The following RBFOX1 variants were observed in gnomAD, a reference collection of about 807,000 sequenced individuals.
RBFOX1 encodes the protein RNA binding protein fox-1 homolog 1.
A neutral mutation model predicts 57.7 loss-of-function variants in RBFOX1; 8 were observed. The observed-to-expected ratio is 0.14, with a 90% CI of 0.08 to 0.25. The LOEUF is 0.25. Ranked by LOEUF, RBFOX1 falls within the 10% of genes least tolerant of loss-of-function variation. The pLI is 1.00. For synonymous variants in RBFOX1, 326 were observed against 222.4 expected, an observed-to-expected ratio of 1.47 and a Z score of -4.15; for missense variants, 611 against 548.5, an observed-to-expected ratio of 1.11 and a Z score of -1.14.
intron 3 of RBFOX1, among the ~76,000 whole-genome samples, chr16:6,947,886 C>G (rs2079881257): frequency 6.6e-6 from 1 of 152,156 alleles, no homozygotes; most frequent in Admixed American, 6.5e-5. Context: ...AAGCGTTTCT[C>G]CTGCCTCAGC....
At chr16:6,121,746 A>G (rs1240287088) in intron 1 of RBFOX1, among the ~76,000 whole-genome samples, 1 of 152,106 alleles carries the variant, frequency 6.6e-6, no homozygotes, top group East Asian at 1.9e-4. Context: ...AGCTGGGTGA[A>G]GGTGAACAAG....
chr16:6,009,253 C>T (rs1695452962), intron 4 of RBFOX1, among the ~76,000 whole-genome samples: 1 of 152,130 alleles, frequency 6.6e-6, no homozygotes, highest in Admixed American at 6.6e-5. Context: ...GATGGTACCT[C>T]ATTCCATTTT....
chr16:6,913,511 G>A (rs978054291), intron 3 of RBFOX1, among the ~76,000 whole-genome samples: 2 of 152,108 alleles, frequency 1.3e-5, no homozygotes, highest in African/African-American at 2.4e-5. Flanking sequence ...CCCATCATCT[G>A]CAGTGCCCGA....
At chr16:7,693,623 G>A (rs1199012854) in intron 14 of RBFOX1, among the ~76,000 whole-genome samples, 1 of 152,052 alleles carries the variant, frequency 6.6e-6, no homozygotes, top group African/African-American at 2.4e-5. Flanking sequence ...AGAGTATGTT[G>A]AATGAATCCA....
chr16:5,977,180 C>A (rs957922146), intron 4 of RBFOX1, among the ~76,000 whole-genome samples: 2 of 152,166 alleles, frequency 1.3e-5, no homozygotes, highest in Non-Finnish European at 1.5e-5. Flanking sequence ...ATTGTGTGGG[C>A]AGAACTGAGG....
At chr16:6,386,008 T>C (rs1157034082) in intron 2 of RBFOX1, among the ~76,000 whole-genome samples, 1 of 151,520 alleles carries the variant, frequency 6.6e-6, no homozygotes, top group Non-Finnish European at 1.5e-5. Flanking sequence ...CGATCTCGGC[T>C]CACTGCAAGC....
At chr16:6,031,164 G>C (rs980274947) in intron 1 of RBFOX1, among the ~76,000 whole-genome samples, 1 of 152,266 alleles carries the variant, frequency 6.6e-6, no homozygotes, top group Non-Finnish European at 1.5e-5. Context: ...TTTAAGCTAC[G>C]GCCTGAAGAC....
At chr16:5,515,081 A>G (rs1185882373) in intron 2 of RBFOX1, among the ~76,000 whole-genome samples, 2 of 152,198 alleles carry the variant, frequency 1.3e-5, no homozygotes, top group South Asian at 2.1e-4. Flanking sequence ...TTACAGAACA[A>G]GAACTCATTT....
intron 3 of RBFOX1, among the ~76,000 whole-genome samples, chr16:6,975,306 C>G (rs940065896): frequency 2.0e-5 from 3 of 152,046 alleles, no homozygotes; most frequent in Non-Finnish European, 1.5e-5. Flanking sequence ...CATTCTGTCA[C>G]CCAGGCTGGA....
intron 2 of RBFOX1, among the ~76,000 whole-genome samples, chr16:6,411,155 A>T (rs1001078221): frequency 6.6e-5 from 10 of 152,092 alleles, no homozygotes; most frequent in Admixed American, 3.3e-4. Flanking sequence ...TTGTTTTTAA[A>T]TTTTTTTTGT....
At chr16:6,252,042 C>G (rs991289210) in intron 1 of RBFOX1, among the ~76,000 whole-genome samples, 1 of 152,110 alleles carries the variant, frequency 6.6e-6, no homozygotes, top group South Asian at 2.1e-4. Flanking sequence ...TTTTAGGTCT[C>G]CTTGCTTGAT....
intron 3 of RBFOX1, among the ~76,000 whole-genome samples, chr16:6,881,075 C>T (rs2062840082): frequency 6.6e-6 from 1 of 152,184 alleles, no homozygotes; most frequent in Non-Finnish European, 1.5e-5. Flanking sequence ...TCAATCATGG[C>T]ACTTTTACCC....
chr16:5,797,197 G>T (rs1485580288), intron 3 of RBFOX1, among the ~76,000 whole-genome samples: 2 of 152,166 alleles, frequency 1.3e-5, no homozygotes, highest in Non-Finnish European at 2.9e-5. Flanking sequence ...TGCCCATAGA[G>T]GAAGTTCTGA....
At chr16:6,787,793 C>A (rs981893021) in intron 3 of RBFOX1, among the ~76,000 whole-genome samples, 1 of 152,150 alleles carries the variant, frequency 6.6e-6, no homozygotes, top group Non-Finnish European at 1.5e-5. Context: ...TAGTCTTCCT[C>A]CATAATACAA....
chr16:6,253,967 A>G (rs2097644427), intron 1 of RBFOX1, among the ~76,000 whole-genome samples: 1 of 152,126 alleles, frequency 6.6e-6, no homozygotes, highest in Non-Finnish European at 1.5e-5. Context: ...CAAGTAGGAC[A>G]GAACTCTTAT....
chr16:6,770,657 G>C (rs542993859), intron 3 of RBFOX1, among the ~76,000 whole-genome samples: 5 of 152,212 alleles, frequency 3.3e-5, no homozygotes, highest in African/African-American at 1.2e-4. Context: ...GAGCCTTCCT[G>C]GGAGGAGAGA....
chr16:6,951,376 C>T (rs2080729435), intron 3 of RBFOX1, among the ~76,000 whole-genome samples: 2 of 152,066 alleles, frequency 1.3e-5, no homozygotes, highest in African/African-American at 2.4e-5. Context: ...AATAAATCAC[C>T]CTAGTATAAT....
chr16:6,288,869 G>A (rs148410164), intron 1 of RBFOX1, among the ~76,000 whole-genome samples: 10 of 152,034 alleles, frequency 6.6e-5, no homozygotes, highest in African/African-American at 2.2e-4. Flanking sequence ...CTGGATCTAA[G>A]GTCTAGTGGA....
At chr16:6,808,536 T>C (rs1263344712) in intron 3 of RBFOX1, among the ~76,000 whole-genome samples, 1 of 152,148 alleles carries the variant, frequency 6.6e-6, no homozygotes, top group African/African-American at 2.4e-5. Context: ...AGGGACAGGT[T>C]TGCATACTCA....
Sources: gnomAD v4.1 joint callset for allele counts (sites outside exome capture counted in the v4.1 genomes callset) on GRCh38, gnomAD v4.1.1 for gene constraint, MANE v1.5 for transcripts, NCBI Gene and HGNC (gene_info 2026-07-23, HGNC 2026-07-21) for gene names.